KCNN1: variants seen among roughly 807,000 people sequenced by gnomAD.
KCNN1 encodes the protein small conductance calcium-activated potassium channel protein 1.
Under a neutral mutation model 44.7 loss-of-function variants are expected in KCNN1, and 20 were observed. The ratio of observed to expected loss-of-function variants is 0.45; its 90% CI spans 0.32 to 0.65. KCNN1 has a LOEUF of 0.65. Ranked by LOEUF, KCNN1 falls within the 30% of genes least tolerant of loss-of-function variation. KCNN1 has a pLI of 0.05. For synonymous variants in KCNN1, 324 were observed against 341.7 expected (o/e 0.95, Z 0.57); for missense variants, 632 against 785.3 (o/e 0.80, Z 2.33).
chr19:17,968,169 G>T (rs113476904), intron 1 of KCNN1, among the ~76,000 whole-genome samples: 3,336 of 152,032 alleles, frequency 0.022, 101 homozygotes, highest in African/African-American at 0.076. Context: ...GGCTGCGCCC[G>T]CTGGGGACCC....
intron 2 of KCNN1, among the ~76,000 whole-genome samples, chr19:17,962,017 A>G (rs984996034): frequency 2.0e-5 from 3 of 152,162 alleles, no homozygotes; most frequent in East Asian, 1.9e-4. Context: ...TTGCTCCTCT[A>G]TGGAGCTGCC....
chr19:17,979,939 C>T (rs1343631088), intron 3 of KCNN1, among the ~76,000 whole-genome samples: 3 of 152,048 alleles, frequency 2.0e-5, no homozygotes, highest in Non-Finnish European at 4.4e-5. Flanking sequence ...TGGGCACCCA[C>T]ACCTGGAATC....
At chr19:17,994,543 CTTTA>C (rs1249571438) in intron 9 of KCNN1, among the ~76,000 whole-genome samples, 6 of 147,594 alleles carry the variant, frequency 4.1e-5, no homozygotes, top group South Asian at 2.2e-4. Context: ...TTTTTTTTAG[CTTTA>C]TTTATTTATT....
chr19:17,997,901 GAAA>G (rs1320495136), intron 9 of KCNN1, among the ~76,000 whole-genome samples: 2 of 124,008 alleles, frequency 1.6e-5, no homozygotes, highest in Admixed American at 8.2e-5. Context: ...CTGTCTCAAA[GAAA>G]AAAAAAAAAA....
rs59928660 is a variant in KCNN1, at chr19:17,988,154, C to CAAA, written c.1060-240_1060-238dup. On this transcript the variant is annotated intron_variant, in intron 5 of 9. Transcript: ENST00000684775. ...TGGGCGACAGAGCGAGACTCCATCT[C>CAAA]AAAAAAAAAAAAAAAAAAAAAAAGA... Among the ~76,000 whole-genome samples, 144 of 53,408 alleles carry CAAA rather than the reference C, an allele frequency of 2.7e-3. 2 individuals carry two copies. Among genetic ancestry groups the CAAA allele is most frequent in the East Asian group, 4.7e-3 (9 of 1,922 alleles). 35.0% of individuals were successfully genotyped at this position (53,408 alleles called of 152,430 possible).
intron 9 of KCNN1, among the ~76,000 whole-genome samples, chr19:17,994,793 C>G (rs2032927897): frequency 6.6e-6 from 1 of 152,214 alleles, no homozygotes; most frequent in African/African-American, 2.4e-5. Flanking sequence ...ATCCACCCCC[C>G]TCAGCCTCCC....
In KCNN1 at chr19:17,987,625, C is replaced by T. The variant is rs948431624; in HGVS notation, c.1060-790C>T. Among the ~76,000 whole-genome samples, 3 of 151,964 alleles carry T rather than the reference C, an allele frequency of 2.0e-5. No individual in the cohort carries two copies. In the East Asian group the frequency reaches 5.8e-4, roughly 29 times the overall value. On this transcript the variant is annotated intron_variant, in intron 5 of 9. Transcript: ENST00000684775. Reference sequence around the variant, plus strand: ...AAAACCTTTGTCCTGGCCTGGAAACCGAGACAGGGTTTCCTCCGGGAGCCC... The same window carrying T: ...AAAACCTTTGTCCTGGCCTGGAAACTGAGACAGGGTTTCCTCCGGGAGCCC...
chr19:17,986,412 C>T (rs1273543363), intron 5 of KCNN1, among the ~76,000 whole-genome samples: 1 of 152,000 alleles, frequency 6.6e-6, no homozygotes. Context: ...TCCTCTGCAG[C>T]CCAAACTCCC....
chr19:17,998,714 G>C lies in KCNN1; in HGVS notation c.*308G>C. 3.3e-6 allele frequency: 1 copy of C among 307,448 alleles called. No homozygotes were observed. 19.0% of individuals were successfully genotyped at this position (307,448 alleles called of 1,614,324 possible). A position where few individuals can be genotyped will look rare whatever the true frequency, so the allele number is the denominator to read the frequency against. The stretch of plus-strand genomic sequence containing the variant: ...ATAAAGCAGGACCCGCCTAGTGGCT[G>C]CCTGTGTGCATGGCTGGAAGGCACT... On this transcript the variant is annotated 3_prime_UTR_variant, in exon 10 of 10. Coordinates refer to ENST00000684775, the MANE Select transcript of KCNN1 (RefSeq NM_001386974.1). The surrounding 1 kb of genome is among the most constrained non-coding windows in gnomAD (Gnocchi z 5.4).
intron 1 of KCNN1, among the ~76,000 whole-genome samples, chr19:17,971,603 C>T (rs1306269650): frequency 6.6e-6 from 1 of 151,996 alleles, no homozygotes; most frequent in Non-Finnish European, 1.5e-5. Context: ...GGTGGGATTA[C>T]AGGCATGGGC....
rs372566092 is a variant in KCNN1 at position 17,998,644 on chromosome 19, C to T, written c.*238C>T. Reference sequence around the variant, plus strand: ...GGTCCCCCGACTCTCCCCAGGCCCCCGGTGGGCATGGAGCAGCCCGGGGAG... The same window carrying T: ...GGTCCCCCGACTCTCCCCAGGCCCCTGGTGGGCATGGAGCAGCCCGGGGAG... On this transcript the variant is annotated 3_prime_UTR_variant, in exon 10 of 10. Transcript: ENST00000684775. The surrounding 1 kb of genome is among the most constrained non-coding windows in gnomAD (Gnocchi z 5.4). The T allele has an allele frequency of 1.5e-4, 70 of 459,962 alleles. No homozygotes were observed. Among genetic ancestry groups the T allele is most frequent in the African/African-American group, 1.1e-3 (54 of 49,422 alleles). 28.5% of individuals were successfully genotyped at this position (459,962 alleles called of 1,614,324 possible).
chr19:17,973,038 G>A (rs182536506), intron 1 of KCNN1, among the ~76,000 whole-genome samples: 62 of 152,312 alleles, frequency 4.1e-4, no homozygotes, highest in Middle Eastern at 3.4e-3. Context: ...GTGGCTGGAG[G>A]AATTGGGTCT....
intron 2 of KCNN1, among the ~76,000 whole-genome samples, chr19:17,958,160 G>A (rs991024532): frequency 3.3e-5 from 5 of 152,000 alleles, no homozygotes; most frequent in African/African-American, 1.2e-4. Context: ...CAAATGCCAG[G>A]GGATCACTGA....
intron 9 of KCNN1, among the ~76,000 whole-genome samples, chr19:17,996,954 C>T (rs1233063147): frequency 2.0e-5 from 3 of 152,190 alleles, no homozygotes; most frequent in South Asian, 2.1e-4. Context: ...CGGAGGCCGC[C>T]GCGGGGTGGC....
At chr19:17,995,830 C>A (rs142467382) in intron 9 of KCNN1, among the ~76,000 whole-genome samples, 1 of 152,034 alleles carries the variant, frequency 6.6e-6, no homozygotes, top group African/African-American at 2.4e-5. Flanking sequence ...AAGTAATCCA[C>A]CTGCCTTGGC....
upstream of KCNN1, among the ~76,000 whole-genome samples, chr19:17,965,210 G>A (rs1249665275): frequency 1.3e-5 from 2 of 151,518 alleles, no homozygotes; most frequent in Non-Finnish European, 2.9e-5. Context: ...AGGTTTAGAG[G>A]TTGCAATGAG....
At chr19:17,996,166 CAAAAA>C (rs757072562) in intron 9 of KCNN1, among the ~76,000 whole-genome samples, 3 of 92,092 alleles carry the variant, frequency 3.3e-5, no homozygotes, top group African/African-American at 4.5e-5. Flanking sequence ...TCCATTGCTA[CAAAAA>C]AAAAAAAAAA....
chr19:17,996,863 C>T (rs1165272806), intron 9 of KCNN1, among the ~76,000 whole-genome samples: 1 of 152,184 alleles, frequency 6.6e-6, no homozygotes, highest in African/African-American at 2.4e-5. Flanking sequence ...GAGGAAGAGG[C>T]TGGGTGTGAG....
upstream of KCNN1, among the ~76,000 whole-genome samples, chr19:17,965,011 C>T (rs2031764438): frequency 1.3e-5 from 2 of 152,106 alleles, no homozygotes; most frequent in Non-Finnish European, 2.9e-5. Flanking sequence ...CGCGGTGGCT[C>T]ACGCCTGTAA....
Sources: gnomAD v4.1 joint callset for allele counts (sites outside exome capture counted in the v4.1 genomes callset) on GRCh38, gnomAD v4.1.1 for gene constraint, Gnocchi (gnomAD v3.1) non-coding constraint, MANE v1.5 for transcripts, NCBI Gene and HGNC (gene_info 2026-07-23, HGNC 2026-07-21) for gene names.